The following PHACTR1 variants were observed in gnomAD, a reference collection of about 807,000 sequenced individuals.
PHACTR1 encodes the protein RPEL repeat containing 1.
Under a neutral mutation model 69.2 loss-of-function variants are expected in PHACTR1, and 16 were observed. The observed-to-expected ratio is 0.23, with a 90% CI of 0.16 to 0.35. The LOEUF is 0.35. PHACTR1 is among the 10% of genes least tolerant of loss of function. The probability of loss-of-function intolerance (pLI) is 1.00; values close to 1 mark genes in which losing one functional copy is unlikely to be tolerated. For missense variants in PHACTR1, 510 were observed against 734.7 expected (o/e 0.69, Z 3.54); for synonymous variants, 312 against 284.5 (o/e 1.10, Z -0.97).
At chr6:12,985,280 C>A (rs1796006118) in intron 4 of PHACTR1, among the ~76,000 whole-genome samples, 1 of 151,614 alleles carries the variant, frequency 6.6e-6, no homozygotes, top group African/African-American at 2.4e-5. Flanking sequence ...AAAAATTAAG[C>A]CTAAGGTCTT....
chr6:13,120,323 G>A (rs1818510581), intron 5 of PHACTR1, among the ~76,000 whole-genome samples: 1 of 151,550 alleles, frequency 6.6e-6, no homozygotes, highest in African/African-American at 2.4e-5. Context: ...TAGGAAAACA[G>A]AAGACCCAGT....
intron 7 of PHACTR1, among the ~76,000 whole-genome samples, chr6:13,200,931 G>A (rs1163995800): frequency 2.2e-5 from 3 of 137,882 alleles, no homozygotes; most frequent in Non-Finnish European, 3.1e-5. Flanking sequence ...CAACAAGAGC[G>A]AAACTCTGTC....
intron 4 of PHACTR1, among the ~76,000 whole-genome samples, chr6:12,813,712 A>G (rs78173848): frequency 0.011 from 1,707 of 152,306 alleles, 14 homozygotes; most frequent in Non-Finnish European, 0.018. Flanking sequence ...CAGGCCAGAG[A>G]CTGCATCAAA....
intron 5 of PHACTR1, among the ~76,000 whole-genome samples, chr6:13,092,537 T>C (rs9473478): frequency 0.01 from 1,544 of 152,286 alleles, 33 homozygotes; most frequent in African/African-American, 0.035. Context: ...GGCTTTAGGA[T>C]GATTTAAGCA....
chr6:12,899,907 G>C (rs1207820845), intron 4 of PHACTR1, among the ~76,000 whole-genome samples: 3 of 152,140 alleles, frequency 2.0e-5, no homozygotes, highest in Non-Finnish European at 4.4e-5. Flanking sequence ...TGGGCTCCAT[G>C]GTGGTCACAA....
chr6:12,891,587 T>A (rs1402742349), intron 4 of PHACTR1, among the ~76,000 whole-genome samples: 1 of 152,156 alleles, frequency 6.6e-6, no homozygotes, highest in African/African-American at 2.4e-5. Flanking sequence ...TCACTTATGC[T>A]CCTGTCAAAA....
chr6:12,795,299 C>T (rs1241963239), intron 4 of PHACTR1, among the ~76,000 whole-genome samples: 4 of 152,148 alleles, frequency 2.6e-5, no homozygotes, highest in Non-Finnish European at 4.4e-5. Flanking sequence ...GTAAACTACT[C>T]TTGGCAATGA....
intron 12 of PHACTR1, among the ~76,000 whole-genome samples, chr6:13,282,894 A>G (rs1362626166): frequency 1.5e-5 from 2 of 134,624 alleles, no homozygotes; most frequent in Non-Finnish European, 3.0e-5. Context: ...CAATGTTATG[A>G]AGATAGAGAC....
At chr6:12,856,187 T>C in intron 4 of PHACTR1, among the ~76,000 whole-genome samples, 1 of 152,162 alleles carries the variant, frequency 6.6e-6, no homozygotes, top group South Asian at 2.1e-4. Flanking sequence ...TAAGTCACTG[T>C]CTACTTAAGC....
chr6:13,211,548 A>G (rs1432093277), intron 8 of PHACTR1, among the ~76,000 whole-genome samples: 4 of 152,168 alleles, frequency 2.6e-5, no homozygotes, highest in Admixed American at 2.0e-4. Context: ...AAGATTCTTA[A>G]TGGAATGCAC....
chr6:12,809,924 T>G (rs537813949), intron 4 of PHACTR1, among the ~76,000 whole-genome samples: 3 of 152,372 alleles, frequency 2.0e-5, no homozygotes, highest in African/African-American at 7.2e-5. Context: ...CTTATCATCT[T>G]GATATTAAAG....
chr6:12,787,220 T>G (rs1771650313), intron 4 of PHACTR1, among the ~76,000 whole-genome samples: 1 of 152,228 alleles, frequency 6.6e-6, no homozygotes, highest in African/African-American at 2.4e-5. Context: ...TGCCAGTCTT[T>G]TCCATTGAAA....
intron 5 of PHACTR1, among the ~76,000 whole-genome samples, chr6:13,068,322 CA>C (rs1808982886): frequency 6.6e-6 from 1 of 151,988 alleles, no homozygotes; most frequent in Non-Finnish European, 1.5e-5. Flanking sequence ...ACCTCAAAAA[CA>C]AACAAAAAAC....
At chr6:13,138,235 G>A (rs1350801059) in intron 5 of PHACTR1, among the ~76,000 whole-genome samples, 1 of 152,102 alleles carries the variant, frequency 6.6e-6, no homozygotes, top group Non-Finnish European at 1.5e-5. Context: ...TGGAAGATGG[G>A]GGCTTAATAC....
Position 13,242,421 on chromosome 6 carries a change from G to A in PHACTR1, c.1391+12228G>A, listed in dbSNP as rs114468367. On this transcript the variant is annotated intron_variant, in intron 10 of 14. Coordinates refer to ENST00000332995, the MANE Select transcript of PHACTR1 (RefSeq NM_030948.6). ...TTTAGGTCATGATTCTTGCACTTGTGTAAAGGGACTGTCACAGCTATAAGA... is the reference window on the plus strand; with the variant it reads ...TTTAGGTCATGATTCTTGCACTTGTATAAAGGGACTGTCACAGCTATAAGA... Among the ~76,000 whole-genome samples the A allele has an allele frequency of 4.0e-3, 607 of 152,328 alleles. 6 individuals are homozygous for A. Among genetic ancestry groups the A allele is most frequent in the African/African-American group, 0.014 (578 of 41,576 alleles).
At position 13,082,827 on chromosome 6, in the gene PHACTR1, G is replaced by A. The variant is rs1811627109; in HGVS notation, c.415+29298G>A. Among the ~76,000 whole-genome samples, 4 of 152,234 alleles carry A rather than the reference G, an allele frequency of 2.6e-5. No individual in the cohort carries two copies. The South Asian group carries it at 8.3e-4, about 32-fold the overall frequency. ...TCTTGTAAATTTCTTTGAGTTCATT[G>A]TAGATTCTGGATATTAGCCCTTTGT... On this transcript the variant is annotated intron_variant, in intron 5 of 14. Transcript: ENST00000332995.
rs1282085068 is a variant in PHACTR1 at position 13,219,041 on chromosome 6, G to T, written c.987-8775G>T. On this transcript the variant is annotated intron_variant, in intron 8 of 14. Transcript: ENST00000332995. ...TTTTCCAAAAAGAAGGCTTGGTAAAGGTCATTCTTGGTGGGAACAAGACCA... is the reference window on the plus strand; with the variant it reads ...TTTTCCAAAAAGAAGGCTTGGTAAATGTCATTCTTGGTGGGAACAAGACCA... 7.2e-5 allele frequency among the ~76,000 whole-genome samples: 11 copies of T among 152,142 alleles called. No homozygotes were observed. The East Asian group carries it at 2.1e-3, about 29-fold the overall frequency.
At chr6:13,141,457 G>C (rs768698629) in intron 5 of PHACTR1, among the ~76,000 whole-genome samples, 2 of 152,162 alleles carry the variant, frequency 1.3e-5, no homozygotes, top group Non-Finnish European at 2.9e-5. Context: ...TCCACTATGC[G>C]TGTGACATTT....
intron 3 of PHACTR1, among the ~76,000 whole-genome samples, chr6:12,732,457 C>A (rs1476891255): frequency 6.6e-6 from 1 of 152,104 alleles, no homozygotes; most frequent in Non-Finnish European, 1.5e-5. Flanking sequence ...ATTGACCCAT[C>A]CTCTAAGTTC....
Sources: gnomAD v4.1 joint callset for allele counts (sites outside exome capture counted in the v4.1 genomes callset) on GRCh38, gnomAD v4.1.1 for gene constraint, MANE v1.5 for transcripts, NCBI Gene and HGNC (gene_info 2026-07-23, HGNC 2026-07-21) for gene names.